The following MCOLN2 variants were observed in gnomAD, a reference collection of about 807,000 sequenced individuals.
MCOLN2 encodes mucolipin TRP cation channel 2, also known as mucolipin-2.
A neutral mutation model predicts 67.5 loss-of-function variants in MCOLN2; 57 were observed. The observed-to-expected ratio is 0.84, with a 90% confidence interval of 0.68 to 1.05. The LOEUF is 1.05. Ranked by LOEUF, MCOLN2 falls within the 50% of genes least tolerant of loss-of-function variation. The pLI is 0.00. For missense variants in MCOLN2, 620 were observed against 678.8 expected (o/e 0.91, Z 0.96); for synonymous variants, 246 against 233.3 (o/e 1.05, Z -0.50).
At chr1:84,979,898 G>A (rs1051120520) in intron 1 of MCOLN2, among the ~76,000 whole-genome samples, 16 of 152,254 alleles carry the variant, frequency 1.1e-4, no homozygotes, top group Non-Finnish European at 2.2e-4. Flanking sequence ...CTTGTTTGTA[G>A]ATGAGATGAT....
intron 1 of MCOLN2, among the ~76,000 whole-genome samples, chr1:84,985,614 T>C (rs942509460): frequency 1.3e-5 from 2 of 152,172 alleles, no homozygotes; most frequent in Non-Finnish European, 2.9e-5. Flanking sequence ...AGCAGTGATC[T>C]GTACACACTT....
chr1:84,929,610 C>G lies in MCOLN2; in HGVS notation c.1612G>C (p.Glu538Gln). 6.2e-7 allele frequency: 1 copy of G among 1,613,870 alleles called. No individual in the cohort carries two copies. Among genetic ancestry groups the G allele is most frequent in the Non-Finnish European group, 8.5e-7 (1 of 1,179,872 alleles). The change falls in exon 13 of 14, where the codon GAG becomes CAG. Residue 538 changes from glutamate to glutamine, a missense_variant. Glu to Gln is a conservative substitution (Grantham distance 29). Transcript: ENST00000370608. ...AAGGCTGAGGACTCTTTCTGATACT[C>G]TTCTTTGCTACTGCATTCCTTCAGG... ...EFLKECSSKE[E>Q]YQKESSAFLS...
chr1:84,995,859 C>T (rs1177412125), intron 1 of MCOLN2, among the ~76,000 whole-genome samples: 2 of 151,598 alleles, frequency 1.3e-5, no homozygotes, highest in East Asian at 1.9e-4. Context: ...ATGTGGCTAC[C>T]TCAAACACTT....
In MCOLN2 at chr1:84,988,442, G is replaced by A. The variant is rs79667690; in HGVS notation, c.77+8354C>T. ...GTAGGATGACTGAACTGGGCATCAA[G>A]ATTTTTATAAGTTACTCAGGTGATT... On this transcript the variant is annotated intron_variant, in intron 1 of 13. Coordinates refer to ENST00000370608, the MANE Select transcript of MCOLN2 (RefSeq NM_153259.4). Among the ~76,000 whole-genome samples, 548 of 152,220 alleles carry A rather than the reference G, an allele frequency of 3.6e-3. 12 individuals are homozygous for A. In the East Asian group the frequency reaches 0.075, roughly 21 times the overall value.
chr1:84,941,840 C>A (rs1647804898), intron 7 of MCOLN2, among the ~76,000 whole-genome samples: 1 of 152,200 alleles, frequency 6.6e-6, no homozygotes, highest in African/African-American at 2.4e-5. Context: ...GGAACAGAAG[C>A]AAGGAGGGGA....
At chr1:84,969,483 A>T (rs1649554192) in intron 1 of MCOLN2, among the ~76,000 whole-genome samples, 1 of 151,568 alleles carries the variant, frequency 6.6e-6, no homozygotes, top group African/African-American at 2.4e-5. Context: ...AGGCAAGAGA[A>T]TTGTTTGAAC....
chr1:84,940,642 A>G (rs986185220), intron 8 of MCOLN2, among the ~76,000 whole-genome samples: 1 of 152,240 alleles, frequency 6.6e-6, no homozygotes, highest in African/African-American at 2.4e-5. Flanking sequence ...GCATCTGTAC[A>G]TATCAGCTCA....
At chr1:84,962,031 C>T (rs1234038164) in intron 2 of MCOLN2, among the ~76,000 whole-genome samples, 1 of 151,936 alleles carries the variant, frequency 6.6e-6, no homozygotes, top group Non-Finnish European at 1.5e-5. Flanking sequence ...GAGGATGAAA[C>T]ACAAAAAGAC....
chr1:84,928,664 A>G (rs1264890911), intron 13 of MCOLN2, among the ~76,000 whole-genome samples: 2 of 152,176 alleles, frequency 1.3e-5, no homozygotes. Flanking sequence ...TCACAGCAAC[A>G]ATTTAATGCT....
chr1:84,931,117 T>C lies in MCOLN2; in HGVS notation c.1542+245A>G, dbSNP rs12022603. 0.063 allele frequency among the ~76,000 whole-genome samples: 9,506 copies of C among 152,036 alleles called. 801 individuals are homozygous for C. The highest frequency in any genetic ancestry group is 0.19 in the African/African-American group (7,757 of 41,396). On this transcript the variant is annotated intron_variant, in intron 12 of 13. Transcript: ENST00000370608. ...AAGACCAGCAGCCTGACTACCTGAC[T>C]TACCCCATTCAACCCATGCTTACCC...
chr1:84,940,170 T>G (rs533345688), intron 8 of MCOLN2, among the ~76,000 whole-genome samples: 1 of 152,128 alleles, frequency 6.6e-6, no homozygotes, highest in East Asian at 1.9e-4. Flanking sequence ...AACTTTGCAT[T>G]CAGAATATCA....
At chr1:84,959,340 C>G (rs570302720) in intron 2 of MCOLN2, among the ~76,000 whole-genome samples, 3 of 152,274 alleles carry the variant, frequency 2.0e-5, no homozygotes, top group African/African-American at 7.2e-5. Context: ...CAAACCCATT[C>G]ATTGTCACCA....
At chr1:84,968,758 C>T (rs1649507316) in intron 1 of MCOLN2, among the ~76,000 whole-genome samples, 1 of 152,216 alleles carries the variant, frequency 6.6e-6, no homozygotes, top group South Asian at 2.1e-4. Context: ...GCATCTTCCC[C>T]ACCTTGCTGT....
intron 4 of MCOLN2, among the ~76,000 whole-genome samples, chr1:84,955,928 A>T (rs1268976966): frequency 6.6e-6 from 1 of 152,208 alleles, no homozygotes; most frequent in Non-Finnish European, 1.5e-5. Flanking sequence ...TATGCTCTTA[A>T]ATTCTTAACA....
In MCOLN2 at chr1:84,996,821, A is replaced by G. The variant is rs1333669474; in HGVS notation, c.52T>C (p.Ser18Pro). ...CTGACGGTTAACCTGAAAACACCTG[A>G]TCCTCTCTCCGGAATCCTTGCCTGG... ...FPQARIPERG[S>P]GVFRLTVRNA... The change falls in exon 1 of 14, where the codon TCA (serine) becomes CCA (proline). Residue 18 changes from serine (S) to proline (P), a missense_variant. By Grantham distance (74) the Ser-to-Pro change is moderately conservative. Transcript: ENST00000370608. 1.9e-6 allele frequency: 3 copies of G among 1,613,868 alleles called. No individual in the cohort carries two copies. The highest frequency in any genetic ancestry group is 1.7e-5 in the Admixed American group (1 of 59,980).
intron 3 of MCOLN2, among the ~76,000 whole-genome samples, chr1:84,957,709 C>T (rs1364808753): frequency 6.6e-6 from 1 of 152,196 alleles, no homozygotes; most frequent in African/African-American, 2.4e-5. Context: ...CTCAGCTTTG[C>T]TCATCAACAT....
rs1651197404 is a variant in MCOLN2 at position 84,997,078 on chromosome 1, G to T, written c.-206C>A. The T allele has an allele frequency of 3.4e-6, 2 of 588,484 alleles. No homozygotes were observed. Among genetic ancestry groups the T allele is most frequent in the Non-Finnish European group, 6.0e-6 (2 of 332,792 alleles). The allele number at this position is 588,484 out of a possible 1,614,324, so 36.5% of individuals were successfully genotyped here. On this transcript the variant is annotated 5_prime_UTR_variant, in exon 1 of 14. Coordinates refer to ENST00000370608, the MANE Select transcript of MCOLN2 (RefSeq NM_153259.4). ...AGGCGCCGCAGTCGTGGAGTGCGGC[G>T]GGCAGTTCTCGGGCGGCTGAAAGGC...
intron 1 of MCOLN2, among the ~76,000 whole-genome samples, chr1:84,990,253 G>A (rs6699356): frequency 6.6e-4 from 89 of 135,258 alleles, no homozygotes; most frequent in East Asian, 4.4e-4. Context: ...AGCTGAGATC[G>A]CGCCACTGCA....
chr1:84,972,525 G>A (rs1196557048), intron 1 of MCOLN2, among the ~76,000 whole-genome samples: 2 of 152,184 alleles, frequency 1.3e-5, no homozygotes, highest in Admixed American at 6.5e-5. Context: ...GAAAATGAAA[G>A]AAAAGAAGGC....
Sources: allele counts gnomAD v4.1 joint callset (sites outside exome capture counted in the v4.1 genomes callset), GRCh38; gene constraint gnomAD v4.1.1; transcripts MANE v1.5; gene names NCBI Gene and HGNC (gene_info 2026-07-23, HGNC 2026-07-21).